Variants in CCSER1 observed in about 807,000 individuals in gnomAD.
The protein encoded by CCSER1 is coiled-coil serine rich protein 1.
A neutral mutation model predicts 82.0 loss-of-function variants in CCSER1; 41 were observed. That is an observed-to-expected ratio of 0.50 (90% confidence interval 0.39 to 0.65). The LOEUF (loss-of-function observed/expected upper bound fraction) is 0.65. CCSER1 is among the 30% of genes least tolerant of loss of function. CCSER1 has a pLI of 0.00. For synonymous variants in CCSER1, 414 were observed against 383.9 expected, an observed-to-expected ratio of 1.08 and a Z score of -0.92; for missense variants, 1,119 against 1,064.2, an observed-to-expected ratio of 1.05 and a Z score of -0.72.
chr4:90,939,357 A>G (rs1731328331), intron 9 of CCSER1, among the ~76,000 whole-genome samples: 1 of 152,168 alleles, frequency 6.6e-6, no homozygotes, highest in East Asian at 1.9e-4. Flanking sequence ...TATTAAAGGG[A>G]GTCTCCTGAA....
intron 10 of CCSER1, among the ~76,000 whole-genome samples, chr4:91,093,210 C>A (rs769113665): frequency 6.6e-6 from 1 of 152,190 alleles, no homozygotes; most frequent in Admixed American, 6.5e-5. Context: ...GCATATCCTG[C>A]GCATCTTTCT....
intron 10 of CCSER1, among the ~76,000 whole-genome samples, chr4:91,570,420 G>C (rs918617183): frequency 1.3e-5 from 2 of 152,148 alleles, no homozygotes; most frequent in African/African-American, 4.8e-5. Flanking sequence ...CTCCATGAAG[G>C]CTCCTCCCCT....
intron 1 of CCSER1, among the ~76,000 whole-genome samples, chr4:90,300,867 C>A (rs371330085): frequency 6.6e-6 from 1 of 152,118 alleles, no homozygotes; most frequent in African/African-American, 2.4e-5. Flanking sequence ...GCTCTGTCAC[C>A]CAGGCTGGAG....
intron 8 of CCSER1, among the ~76,000 whole-genome samples, chr4:90,899,927 G>T (rs1180875550): frequency 2.0e-5 from 3 of 151,758 alleles, no homozygotes; most frequent in African/African-American, 7.3e-5. Context: ...TTGTGTCCTT[G>T]CCAGGTTTTC....
chr4:91,046,660 T>C (rs1742517561), intron 9 of CCSER1, among the ~76,000 whole-genome samples: 1 of 152,268 alleles, frequency 6.6e-6, no homozygotes, highest in Admixed American at 6.5e-5. Context: ...CAAAGTTGTG[T>C]GATACAAGAG....
intron 1 of CCSER1, among the ~76,000 whole-genome samples, chr4:90,203,378 G>C (rs1223718721): frequency 6.6e-6 from 1 of 152,104 alleles, no homozygotes; most frequent in Non-Finnish European, 1.5e-5. Context: ...CCCGGTGTGT[G>C]ATGTTCCCCT....
rs572788230 is a variant in CCSER1, at chr4:90,524,726, C to A, written c.1724+56372C>A. On this transcript the variant is annotated intron_variant, in intron 5 of 10. Coordinates refer to ENST00000509176, the MANE Select transcript of CCSER1 (RefSeq NM_001145065.2). ...TCATGATCCGTCTGCCTCGGCCTCC[C>A]AAAGTGCTGGGATTACAGACATGAG... Among the ~76,000 whole-genome samples, 5 of 152,274 alleles carry A rather than the reference C, an allele frequency of 3.3e-5. No homozygotes were observed. The South Asian group carries it at 1.0e-3, about 32-fold the overall frequency.
chr4:91,181,017 T>C (rs1169464796), intron 10 of CCSER1, among the ~76,000 whole-genome samples: 1 of 152,238 alleles, frequency 6.6e-6, no homozygotes, highest in Non-Finnish European at 1.5e-5. Context: ...AGAATGACTT[T>C]AAGTGGTTTT....
chr4:90,649,885 T>A (rs2149037026), intron 6 of CCSER1, among the ~76,000 whole-genome samples: 1 of 152,148 alleles, frequency 6.6e-6, no homozygotes, highest in South Asian at 2.1e-4. Flanking sequence ...GGTGGGTGGA[T>A]CACGAGGTCG....
chr4:90,549,044 C>T (rs1210242936), intron 5 of CCSER1, among the ~76,000 whole-genome samples: 2 of 152,066 alleles, frequency 1.3e-5, no homozygotes, highest in Admixed American at 1.3e-4. Context: ...AGCATGACCC[C>T]ACTGTAATTG....
intron 4 of CCSER1, among the ~76,000 whole-genome samples, chr4:90,413,505 C>A (rs981469997): frequency 4.6e-5 from 7 of 152,006 alleles, no homozygotes; most frequent in Non-Finnish European, 8.8e-5. Context: ...CAAGACTAAG[C>A]AAACAAATCT....
intron 3 of CCSER1, among the ~76,000 whole-genome samples, chr4:90,348,054 G>A (rs1430964612): frequency 6.6e-6 from 1 of 152,106 alleles, no homozygotes; most frequent in African/African-American, 2.4e-5. Context: ...TTATAAATGG[G>A]AGCTAAATGA....
chr4:91,140,425 C>T (rs1728913717), intron 10 of CCSER1, among the ~76,000 whole-genome samples: 1 of 151,750 alleles, frequency 6.6e-6, no homozygotes, highest in Non-Finnish European at 1.5e-5. Flanking sequence ...CTTGGTCTTC[C>T]AGATTTAGAA....
chr4:90,746,303 A>G (rs1260428145), intron 7 of CCSER1, among the ~76,000 whole-genome samples: 2 of 152,310 alleles, frequency 1.3e-5, no homozygotes, highest in East Asian at 3.9e-4. Context: ...GTAAATTGTT[A>G]AATGAATTAA....
chr4:90,736,659 C>A (rs60487408), intron 7 of CCSER1, among the ~76,000 whole-genome samples: 50,288 of 151,478 alleles, frequency 0.33, 9,387 homozygotes, highest in African/African-American at 0.52. Flanking sequence ...CATTCAGCCA[C>A]TCTATGACTT....
chr4:91,299,511 T>C (rs994287121), intron 10 of CCSER1, among the ~76,000 whole-genome samples: 12 of 152,014 alleles, frequency 7.9e-5, no homozygotes, highest in Admixed American at 5.9e-4. Flanking sequence ...TAGTTGTCAG[T>C]ATTATTATCA....
chr4:90,827,015 A>G (rs1292497182), intron 8 of CCSER1, among the ~76,000 whole-genome samples: 1 of 152,146 alleles, frequency 6.6e-6, no homozygotes, highest in South Asian at 2.1e-4. Flanking sequence ...AGCAGTTCAG[A>G]CTTTATTTGA....
intron 5 of CCSER1, among the ~76,000 whole-genome samples, chr4:90,620,157 GTTACTAT>G (rs1348249832): frequency 2.0e-5 from 3 of 152,048 alleles, no homozygotes; most frequent in Non-Finnish European, 4.4e-5. Flanking sequence ...AGTGGGAGTC[GTTACTAT>G]TTAATCTAAT....
At chr4:91,080,594 C>G (rs1026619372) in intron 9 of CCSER1, among the ~76,000 whole-genome samples, 1 of 151,902 alleles carries the variant, frequency 6.6e-6, no homozygotes, top group African/African-American at 2.4e-5. Context: ...GATAGAGGCA[C>G]AAAAAACCCT....
Sources: allele counts gnomAD v4.1 joint callset (sites outside exome capture counted in the v4.1 genomes callset), GRCh38; gene constraint gnomAD v4.1.1; transcripts MANE v1.5; gene names NCBI Gene and HGNC (gene_info 2026-07-23, HGNC 2026-07-21).